The following GLMN variants were observed in gnomAD, a reference collection of about 807,000 sequenced individuals.
GLMN encodes the protein glomulin.
Under a neutral mutation model 87.8 loss-of-function variants are expected in GLMN, and 75 were observed. That is an observed-to-expected ratio of 0.85 (90% CI 0.71 to 1.04). The LOEUF (loss-of-function observed/expected upper bound fraction) is 1.04. GLMN is among the 50% of genes least tolerant of loss of function. The probability of loss-of-function intolerance (pLI) is 0.00; values close to 1 mark genes in which losing one functional copy is unlikely to be tolerated. For synonymous variants in GLMN, 206 were observed against 221.6 expected (o/e 0.93, Z 0.63); for missense variants, 588 against 658.8 (o/e 0.89, Z 1.18).
the GLMN span, among the ~76,000 whole-genome samples, chr1:92,369,353 A>G: frequency 1.3e-5 from 2 of 152,220 alleles, no homozygotes; most frequent in Non-Finnish European, 2.9e-5. Context: ...GTACAGTGAC[A>G]TGATCATAGC....
chr1:92,304,171 A>C, the GLMN span: 3 of 1,159,078 alleles, frequency 2.6e-6, no homozygotes, highest in Non-Finnish European at 3.8e-6. Context: ...TAAGGTCATG[A>C]ACTAAAGGCA....
At chr1:92,290,691 T>C (rs1213002229) in intron 4 of GLMN, among the ~76,000 whole-genome samples, 1 of 152,230 alleles carries the variant, frequency 6.6e-6, no homozygotes, top group Non-Finnish European at 1.5e-5. Flanking sequence ...AACTTTGCAT[T>C]GCTTTCTGAC....
chr1:92,320,614 A>C, the GLMN span: 2 of 1,611,292 alleles, frequency 1.2e-6, no homozygotes, highest in South Asian at 1.1e-5. Flanking sequence ...CTGATTTTCA[A>C]CTGCTAAAGG....
the GLMN span, among the ~76,000 whole-genome samples, chr1:92,345,471 AAG>A: frequency 1.0e-4 from 15 of 149,204 alleles, no homozygotes; most frequent in East Asian, 2.0e-4. Flanking sequence ...GAGGGAGGGA[AAG>A]AGGGGAGGGG....
chr1:92,270,312 A>T (rs1298289400), intron 8 of GLMN, among the ~76,000 whole-genome samples: 1 of 152,250 alleles, frequency 6.6e-6, no homozygotes, highest in East Asian at 1.9e-4. Flanking sequence ...GTGATGCTTA[A>T]GAGTATAGGC....
At chr1:92,297,360 T>G (rs762143752) in intron 3 of GLMN, 44 bp downstream of exon 3, 120 of 1,606,308 alleles carry the variant, frequency 7.5e-5, no homozygotes, top group Non-Finnish European at 9.7e-5. Flanking sequence ...CATGTGATTA[T>G]TCTCTTCCCA....
At chr1:92,299,491 C>T (rs1650631708), upstream of GLMN, among the ~76,000 whole-genome samples, 1 of 152,240 alleles carries the variant, frequency 6.6e-6, no homozygotes, top group East Asian at 1.9e-4. Context: ...AACCTAGGAC[C>T]GGTCCTCCTT....
chr1:92,320,506 C>G, the GLMN span: 1 of 941,422 alleles, frequency 1.1e-6, no homozygotes, highest in Non-Finnish European at 1.7e-6. Flanking sequence ...CTCCTGACCT[C>G]GAGATCCGCC....
At chr1:92,260,014 T>C (rs1374705374) in intron 16 of GLMN, among the ~76,000 whole-genome samples, 1 of 152,020 alleles carries the variant, frequency 6.6e-6, no homozygotes, top group Non-Finnish European at 1.5e-5. Flanking sequence ...GGATTACAGG[T>C]GTGAGCCACC....
chr1:92,360,330 A>C, the GLMN span, among the ~76,000 whole-genome samples: 1 of 152,356 alleles, frequency 6.6e-6, no homozygotes, highest in African/African-American at 2.4e-5. Flanking sequence ...GTTTCTACAG[A>C]ATGATAGGAG....
intron 16 of GLMN, among the ~76,000 whole-genome samples, chr1:92,254,414 A>G (rs1438407349): frequency 6.6e-6 from 1 of 152,214 alleles, no homozygotes; most frequent in Non-Finnish European, 1.5e-5. Flanking sequence ...GAAAATACAG[A>G]GAACACCACA....
intron 16 of GLMN, among the ~76,000 whole-genome samples, chr1:92,253,375 T>C (rs1046638065): frequency 1.3e-5 from 2 of 152,336 alleles, no homozygotes; most frequent in African/African-American, 4.8e-5. Flanking sequence ...CTGCCAGCTC[T>C]GAAGAGAGCA....
At chr1:92,345,964 T>G in the GLMN span, 4,074 of 1,283,488 alleles carry the variant, frequency 3.2e-3, 26 homozygotes, top group Middle Eastern at 0.012. Context: ...TGAAGCATAT[T>G]GATTAGGGAA....
At chr1:92,275,835 T>C (rs1358356891) in intron 7 of GLMN, among the ~76,000 whole-genome samples, 1 of 152,204 alleles carries the variant, frequency 6.6e-6, no homozygotes, top group Non-Finnish European at 1.5e-5. Context: ...GACTTCCTTC[T>C]TGGGCTCATT....
At chr1:92,259,732 CTTTTTTTTTTTTT>C (rs58390058) in intron 16 of GLMN, among the ~76,000 whole-genome samples, 12 of 108,246 alleles carry the variant, frequency 1.1e-4, no homozygotes, top group Admixed American at 3.4e-4. Flanking sequence ...TTTTTTCTTT[CTTTTTTTTTTTTT>C]TTTTTTTGAG....
the GLMN span, among the ~76,000 whole-genome samples, chr1:92,305,165 G>A: frequency 3.3e-5 from 5 of 151,906 alleles, no homozygotes; most frequent in Middle Eastern, 3.4e-3. Context: ...GGGCGCCCTG[G>A]CTCAAGCCTG....
rs569497110 is a variant in GLMN at position 92,284,996 on chromosome 1, A to G, written c.735+1494T>C. Among the ~76,000 whole-genome samples the G allele has an allele frequency of 3.4e-3, 515 of 152,300 alleles. 2 individuals are homozygous for G. Among genetic ancestry groups the G allele is most frequent in the African/African-American group, 0.012 (486 of 41,560 alleles). ...CTGGAGAGGATGTGGAGAAATAGGA[A>G]CGCTTTTACACTGTTGGTGGGAGTG... On this transcript the variant is annotated intron_variant, in intron 7 of 18. Transcript: ENST00000370360.
At chr1:92,302,590 A>ATATTT, upstream of GLMN, among the ~76,000 whole-genome samples, 1 of 74,338 alleles carries the variant, frequency 1.3e-5, no homozygotes, top group African/African-American at 5.7e-5. Flanking sequence ...TCCGCATTAA[A>ATATTT]TTTTTTTTTT....
At chr1:92,352,118 C>CCAT in the GLMN span, among the ~76,000 whole-genome samples, 17 of 152,186 alleles carry the variant, frequency 1.1e-4, no homozygotes, top group African/African-American at 3.9e-4. Flanking sequence ...GCTTTCAAGA[C>CCAT]CATCTCCAAA....
Sources: allele counts gnomAD v4.1 joint callset (sites outside exome capture counted in the v4.1 genomes callset), GRCh38; gene constraint gnomAD v4.1.1; transcripts MANE v1.5; gene names NCBI Gene and HGNC (gene_info 2026-07-23, HGNC 2026-07-21).